EIF2D: variants seen among roughly 807,000 people sequenced by gnomAD.
EIF2D encodes the protein eukaryotic translation initiation factor 2D.
A neutral mutation model predicts 77.4 loss-of-function variants in EIF2D; 56 were observed. That is an observed-to-expected ratio of 0.72 (90% CI 0.58 to 0.90). The LOEUF (loss-of-function observed/expected upper bound fraction) is 0.90, where lower values mean the gene tolerates loss of function less well. EIF2D is among the 40% of genes least tolerant of loss of function. EIF2D has a pLI of 0.00. For missense variants in EIF2D, 574 were observed against 706.5 expected (o/e 0.81, Z 2.13); for synonymous variants, 230 against 271.0 (o/e 0.85, Z 1.49).
Position 206,612,244 on chromosome 1 carries a change from G to T in EIF2D, c.56+43C>A, listed in dbSNP as rs116110060. On this transcript the variant is annotated intron_variant, in intron 1 of 14. Transcript: ENST00000271764. The stretch of plus-strand genomic sequence containing the variant: ...TATGGGCCAGCGGGGCCCAAGAGGT[G>T]TCTGGTTGTTCCGTGGCAGAGCAGG... The T allele has an allele frequency of 5.7e-4, 915 of 1,613,318 alleles. 5 individuals are homozygous for T. The African/African-American group carries it at 0.011, about 19-fold the overall frequency.
Position 206,612,337 on chromosome 1 carries a change from A to C in EIF2D, c.6T>G (p.Phe2Leu), listed in dbSNP as rs1553414250. The C allele has an allele frequency of 6.8e-6, 11 of 1,614,124 alleles. No homozygotes were observed. The highest frequency in any genetic ancestry group is 1.3e-5 in the African/African-American group (1 of 74,946). ...TGGACTTGACCCGAAAGGCCTTGGC[A>C]AACATGTCTGCTGGGGTGGCCTGGG... M[F>L]AKAFRVKSNT... Residue 2 changes from phenylalanine (F) to leucine (L), a missense_variant, in exon 1 of 15, where the codon TTT (phenylalanine) becomes TTG (leucine). Phe to Leu is a conservative substitution (Grantham distance 22). Transcript: ENST00000271764.
At chr1:206,593,042 C>T (rs1291314147) in intron 14 of EIF2D, among the ~76,000 whole-genome samples, 1 of 151,698 alleles carries the variant, frequency 6.6e-6, no homozygotes, top group East Asian at 1.9e-4. Context: ...GTGGAGGCTG[C>T]AGTGAGTGCA....
chr1:206,574,487 T>C (rs1668562292), intron 4 of EIF2D, among the ~76,000 whole-genome samples: 1 of 152,184 alleles, frequency 6.6e-6, no homozygotes, highest in African/African-American at 2.4e-5. Context: ...TTTGGAGACT[T>C]GAGTCTCTTT....
intron 11 of EIF2D, 72 bp from the exon 12 acceptor site, chr1:206,597,267 C>A: frequency 1.7e-6 from 2 of 1,155,114 alleles, no homozygotes; most frequent in Non-Finnish European, 2.6e-6. Context: ...ATTCAGGATT[C>A]ATCTCTCGTA....
chr1:206,603,089 T>C lies in EIF2D; in HGVS notation c.646A>G (p.Arg216Gly). The change falls in exon 6 of 15, where the codon AGG becomes GGG. Residue 216 changes from arginine to glycine, a missense_variant. By Grantham distance (125) the Arg-to-Gly change is moderately radical. Transcript: ENST00000271764. ...TCTTCCCCCTCCAGGGTCATGTGCCTCATGTCTCCCTGCAGGGTGGAGTCC... is the reference window on the plus strand; with the variant it reads ...TCTTCCCCCTCCAGGGTCATGTGCCCCATGTCTCCCTGCAGGGTGGAGTCC... ...QMDSTLQGDMRHMTLEGEEEN... is the reference protein window; with the variant it reads ...QMDSTLQGDMGHMTLEGEEEN... 1 of 1,614,158 alleles carries C rather than the reference T, an allele frequency of 6.2e-7. No individual in the cohort carries two copies. Among genetic ancestry groups the C allele is most frequent in the Non-Finnish European group, 8.5e-7 (1 of 1,180,032 alleles).
At chr1:206,583,226 G>T in intron 2 of EIF2D, 2 of 1,337,818 alleles carry the variant, frequency 1.5e-6, no homozygotes, top group South Asian at 1.2e-5. Flanking sequence ...TTCTCACCCT[G>T]AGAACTACTA....
intron 2 of EIF2D, chr1:206,586,593 G>A (rs1669122092): frequency 2.1e-6 from 1 of 475,132 alleles, no homozygotes; most frequent in African/African-American, 2.0e-5. Context: ...TAAAAACATG[G>A]TTCATAGACT....
At chr1:206,578,254 G>A (rs1045629942) in intron 4 of EIF2D, among the ~76,000 whole-genome samples, 3 of 151,538 alleles carry the variant, frequency 2.0e-5, no homozygotes, top group Admixed American at 1.3e-4. Flanking sequence ...GTGTGTGTGT[G>A]TGTGTGTGTA....
intron 13 of EIF2D, 199 bp from the exon 14 acceptor site, chr1:206,593,992 G>A: frequency 4.5e-6 from 2 of 445,666 alleles, no homozygotes. Flanking sequence ...TCCAATATAT[G>A]TATTACATAT....
chr1:206,605,517 A>C lies in EIF2D; in HGVS notation c.423-10T>G. ...AATGGCTACAGGGGCTCTAAGAAGA[A>C]GGAAGCCAGAGACCAGGGTCATGGA... On this transcript the variant is annotated splice_polypyrimidine_tract_variant and intron_variant, in intron 4 of 14. Transcript: ENST00000271764. 1 of 1,610,334 alleles carries C rather than the reference A, an allele frequency of 6.2e-7. No homozygotes were observed. The highest frequency in any genetic ancestry group is 8.5e-7 in the Non-Finnish European group (1 of 1,176,918).
chr1:206,598,726 AT>A (rs1358717954), intron 11 of EIF2D, among the ~76,000 whole-genome samples: 3 of 152,206 alleles, frequency 2.0e-5, no homozygotes, highest in Non-Finnish European at 4.4e-5. Context: ...GTAAGCTTGC[AT>A]TTTATTCCTC....
Position 206,611,201 on chromosome 1 carries a change from T to C in EIF2D, c.230A>G (p.Lys77Arg), listed in dbSNP as rs924216015. The change falls in exon 2 of 15, where the codon AAA (lysine) becomes AGA (arginine). Residue 77 changes from lysine to arginine, a missense_variant. Coordinates refer to ENST00000271764, the MANE Select transcript of EIF2D (RefSeq NM_006893.3). ...GGNPILFELEKNLYPTVYTLW... is the reference protein window; with the variant it reads ...GGNPILFELERNLYPTVYTLW... Reference sequence around the variant, plus strand: ...TGTCATACCTGTTGGATACAGATTTTTCTCCAGTTCAAAGAGGATGGGGTT... The same window carrying C: ...TGTCATACCTGTTGGATACAGATTTCTCTCCAGTTCAAAGAGGATGGGGTT... The C allele has an allele frequency of 1.2e-6, 2 of 1,613,278 alleles. No homozygotes were observed. The highest frequency in any genetic ancestry group is 2.7e-5 in the African/African-American group (2 of 74,910).
At chr1:206,591,321 G>A (rs1405872943), downstream of EIF2D, among the ~76,000 whole-genome samples, 1 of 152,118 alleles carries the variant, frequency 6.6e-6, no homozygotes, top group East Asian at 1.9e-4. Flanking sequence ...TCTTTCTTCT[G>A]TTGCTTTGAT....
At chr1:206,569,395 A>G (rs1668378038), downstream of EIF2D, among the ~76,000 whole-genome samples, 1 of 152,064 alleles carries the variant, frequency 6.6e-6, no homozygotes, top group African/African-American at 2.4e-5. Flanking sequence ...TGTAGATGAA[A>G]CCTCACAGGT....
In EIF2D at chr1:206,608,234, A is replaced by C; in HGVS notation, c.422+2T>G. ...CAAAGGCACAGTTGCCTGGCACAGT[A>C]CCTGTTCCCCACCAAAGAAATGGCA... On this transcript the variant is annotated splice_donor_variant, in intron 4 of 14. Coordinates refer to ENST00000271764, the MANE Select transcript of EIF2D (RefSeq NM_006893.3). LOFTEE classifies it high-confidence loss of function. 1.2e-6 allele frequency: 2 copies of C among 1,613,010 alleles called. No individual in the cohort carries two copies. Among genetic ancestry groups the C allele is most frequent in the Non-Finnish European group, 1.7e-6 (2 of 1,179,416 alleles).
chr1:206,610,689 C>G (rs1334310788), intron 2 of EIF2D, among the ~76,000 whole-genome samples: 1 of 152,002 alleles, frequency 6.6e-6, no homozygotes, highest in African/African-American at 2.4e-5. Flanking sequence ...GGTGTGGTGG[C>G]GGGTGCCTGT....
chr1:206,585,394 A>G, intron 2 of EIF2D: 1 of 836,310 alleles, frequency 1.2e-6, no homozygotes, highest in Non-Finnish European at 2.1e-6. Flanking sequence ...GGAGCCACGC[A>G]GCACGGGCAG....
In EIF2D at chr1:206,584,449, G is replaced by A. The variant is rs140334800; in HGVS notation, c.139-3287C>T. On this transcript the variant is annotated intron_variant and NMD_transcript_variant, in intron 2 of 5. Coordinates refer to the EIF2D transcript ENST00000472709. This position sits in a 1 kb window ranked among gnomAD's most constrained non-coding sequence, Gnocchi z 4.9. ...ATCTGAAACTCCGGCGGCCTGTGAC[G>A]GTGCCTGCTGGGATCCGGCCCCAGT... is the stretch of plus-strand genomic sequence containing the variant. The A allele has an allele frequency of 2.9e-5, 47 of 1,614,020 alleles. No homozygotes were observed. The East Asian group carries it at 5.1e-4, about 18-fold the overall frequency.
chr1:206,587,923 T>G (rs1248992235), downstream of EIF2D: 2 of 152,986 alleles, frequency 1.3e-5, no homozygotes, highest in African/African-American at 4.8e-5. Context: ...CCTGGGCTAC[T>G]TGGGTTCCCC....
Sources: allele counts gnomAD v4.1 joint callset (sites outside exome capture counted in the v4.1 genomes callset), GRCh38; gene constraint gnomAD v4.1.1; non-coding constraint Gnocchi (gnomAD v3.1); transcripts MANE v1.5; gene names NCBI Gene and HGNC (gene_info 2026-07-23, HGNC 2026-07-21).